Variants in ALKBH1 observed in about 807,000 individuals in gnomAD.
The protein encoded by ALKBH1 is nucleic acid dioxygenase ALKBH1.
In ALKBH1, 31 loss-of-function variants were observed where a neutral mutation model predicts 36.6. That is an observed-to-expected ratio of 0.85 (90% CI 0.64 to 1.14). ALKBH1 has a LOEUF of 1.14. ALKBH1 is among the 50% of genes most tolerant of loss of function. The pLI is 0.00. For missense variants in ALKBH1, 490 were observed against 497.3 expected (o/e 0.99, Z 0.14); for synonymous variants, 183 against 186.6 (o/e 0.98, Z 0.16).
intron 3 of ALKBH1, chr14:77,683,399 C>CAATGCGCACATTAA: frequency 2.6e-6 from 2 of 775,300 alleles, no homozygotes; most frequent in East Asian, 5.0e-5. Flanking sequence ...TTAATGTGCT[C>CAATGCGCACATTAA]AATGCGCACA....
intron 4 of ALKBH1, among the ~76,000 whole-genome samples, chr14:77,677,943 T>C (rs1595047288): frequency 6.6e-6 from 1 of 152,280 alleles, no homozygotes; most frequent in East Asian, 1.9e-4. Context: ...CATTACTCAC[T>C]ACTTTTTCTT....
intron 3 of ALKBH1, among the ~76,000 whole-genome samples, chr14:77,682,808 C>G (rs1012407761): frequency 1.3e-5 from 2 of 152,106 alleles, no homozygotes; most frequent in Non-Finnish European, 2.9e-5. Context: ...AGTGATTCTC[C>G]TGCCTCAGCC....
intron 1 of ALKBH1, 38 bp from the exon 2 acceptor site, chr14:77,704,515 AT>A: frequency 6.5e-7 from 1 of 1,546,890 alleles, no homozygotes; most frequent in Non-Finnish European, 8.9e-7. Flanking sequence ...GACTAAATCT[AT>A]TTTGCAGGTC....
At chr14:77,694,612 G>T in intron 3 of ALKBH1, 126 bp downstream of exon 3, 3 of 678,592 alleles carry the variant, frequency 4.4e-6, no homozygotes, top group Non-Finnish European at 2.2e-6. Flanking sequence ...TTTTTGCTTG[G>T]AAACAATGAA....
chr14:77,703,780 T>C (rs949886148), intron 2 of ALKBH1, among the ~76,000 whole-genome samples: 3 of 151,970 alleles, frequency 2.0e-5, no homozygotes, highest in African/African-American at 7.3e-5. Context: ...GTATTTTTAG[T>C]AGAGACGGGA....
At position 77,702,355 on chromosome 14, in the gene ALKBH1, G is replaced by A. The variant is rs112928916; in HGVS notation, c.292+2014C>T. On this transcript the variant is annotated intron_variant, in intron 2 of 5. Coordinates refer to ENST00000216489, the MANE Select transcript of ALKBH1 (RefSeq NM_006020.3). ...GTGCTAGAGTTGAAAGGTGAGGAGC[G>A]GCCTCCAAGAACAAGACTATTGGTG... Among the ~76,000 whole-genome samples the A allele has an allele frequency of 6.2e-3, 943 of 151,762 alleles. 9 individuals carry two copies. The highest frequency in any genetic ancestry group is 0.022 in the African/African-American group (904 of 41,404).
intron 3 of ALKBH1, among the ~76,000 whole-genome samples, chr14:77,692,398 TG>T (rs2080302111): frequency 7.1e-6 from 1 of 140,936 alleles, no homozygotes; most frequent in Non-Finnish European, 1.6e-5. Flanking sequence ...GGAGTGGGGA[TG>T]GGGGGTGGTT....
intron 2 of ALKBH1, among the ~76,000 whole-genome samples, chr14:77,698,036 A>G (rs2080337643): frequency 6.6e-6 from 1 of 152,188 alleles, no homozygotes; most frequent in Non-Finnish European, 1.5e-5. Context: ...AATTAGAGAT[A>G]AAGTGATAAA....
chr14:77,706,648 C>A (rs963358668), intron 1 of ALKBH1, among the ~76,000 whole-genome samples: 7 of 152,182 alleles, frequency 4.6e-5, no homozygotes, highest in African/African-American at 1.7e-4. Flanking sequence ...GGCTCATTCC[C>A]TGATGGCTGA....
At chr14:77,676,188 G>A (rs1477580200) in intron 4 of ALKBH1, among the ~76,000 whole-genome samples, 1 of 151,240 alleles carries the variant, frequency 6.6e-6, no homozygotes, top group East Asian at 1.9e-4. Context: ...GCAGAGATGG[G>A]GTCTCACTAT....
At chr14:77,702,248 C>T (rs992367987) in intron 2 of ALKBH1, among the ~76,000 whole-genome samples, 7 of 152,142 alleles carry the variant, frequency 4.6e-5, no homozygotes, top group East Asian at 1.9e-4. Context: ...CTGCAGTGAG[C>T]GGAGATCACA....
chr14:77,706,227 A>G (rs1030660224), intron 1 of ALKBH1, among the ~76,000 whole-genome samples: 2 of 150,962 alleles, frequency 1.3e-5, no homozygotes, highest in Admixed American at 6.6e-5. Flanking sequence ...ACCAGTCTCT[A>G]TAATAAAAGG....
chr14:77,685,301 G>A (rs1022052929), intron 3 of ALKBH1, among the ~76,000 whole-genome samples: 1 of 152,098 alleles, frequency 6.6e-6, no homozygotes, highest in African/African-American at 2.4e-5. Flanking sequence ...AAACTAGCCA[G>A]GCATGGTGGT....
chr14:77,672,689 A>G lies in ALKBH1; in HGVS notation c.*1123T>C, dbSNP rs1285588153. 6.6e-6 allele frequency: 1 copy of G among 152,218 alleles called. No homozygotes were observed. Among genetic ancestry groups the G allele is most frequent in the Non-Finnish European group, 1.5e-5 (1 of 68,044 alleles). The allele number at this position is 152,218 out of a possible 1,614,324, so 9.4% of individuals were successfully genotyped here. A position where few individuals can be genotyped will look rare whatever the true frequency, so the allele number is the denominator to read the frequency against. Reference sequence around the variant, plus strand: ...TTTCAAATACCAATATCCCTTTAGGAAGATGGTAGTCTACAGTATCTTCAT... The same window carrying G: ...TTTCAAATACCAATATCCCTTTAGGGAGATGGTAGTCTACAGTATCTTCAT... On this transcript the variant is annotated 3_prime_UTR_variant, in exon 6 of 6. Coordinates refer to ENST00000216489, the MANE Select transcript of ALKBH1 (RefSeq NM_006020.3).
At chr14:77,705,907 T>C (rs1316905157) in intron 1 of ALKBH1, among the ~76,000 whole-genome samples, 2 of 151,860 alleles carry the variant, frequency 1.3e-5, no homozygotes, top group Non-Finnish European at 2.9e-5. Flanking sequence ...ATACAAAAAT[T>C]AGCCAGGCAT....
chr14:77,682,662 T>C (rs1248633801), intron 3 of ALKBH1, among the ~76,000 whole-genome samples: 1 of 152,140 alleles, frequency 6.6e-6, no homozygotes, highest in Non-Finnish European at 1.5e-5. Context: ...TCAAAATAGA[T>C]GGCACCCTGA....
At chr14:77,683,477 G>C in intron 3 of ALKBH1, 1 of 720,686 alleles carries the variant, frequency 1.4e-6, no homozygotes, top group South Asian at 1.4e-5. Flanking sequence ...GCATGCTGGG[G>C]AACACTGTAG....
chr14:77,679,281 A>G (rs770705244), intron 4 of ALKBH1, among the ~76,000 whole-genome samples: 8 of 152,208 alleles, frequency 5.3e-5, no homozygotes, highest in Non-Finnish European at 8.8e-5. Flanking sequence ...AAAGAAAAAT[A>G]TATGCTCAAC....
At chr14:77,696,249 T>C (rs2080326312) in intron 2 of ALKBH1, among the ~76,000 whole-genome samples, 1 of 152,030 alleles carries the variant, frequency 6.6e-6, no homozygotes, top group Non-Finnish European at 1.5e-5. Context: ...AGAACAGTGG[T>C]GTGATCCTGC....
Sources: gnomAD v4.1 joint callset for allele counts (sites outside exome capture counted in the v4.1 genomes callset) on GRCh38, gnomAD v4.1.1 for gene constraint, MANE v1.5 for transcripts, NCBI Gene and HGNC (gene_info 2026-07-23, HGNC 2026-07-21) for gene names.